IKZF2: variants seen among roughly 807,000 people sequenced by gnomAD.
IKZF2 encodes the protein zinc finger protein Helios.
A neutral mutation model predicts 49.2 loss-of-function variants in IKZF2; 15 were observed. The ratio of observed to expected loss-of-function variants is 0.30; its 90% CI spans 0.20 to 0.47. The LOEUF is 0.47. Among genes scored for constraint, IKZF2 ranks in the 20% least tolerant of loss-of-function variants. The pLI is 1.00. For synonymous variants in IKZF2, 227 were observed against 221.4 expected, an observed-to-expected ratio of 1.03 and a Z score of -0.23; for missense variants, 567 against 664.6, an observed-to-expected ratio of 0.85 and a Z score of 1.61.
intron 4 of IKZF2, among the ~76,000 whole-genome samples, chr2:213,135,450 G>A (rs893541241): frequency 3.3e-5 from 5 of 152,118 alleles, no homozygotes; most frequent in Non-Finnish European, 5.9e-5. Flanking sequence ...TACTCAGGAG[G>A]CTGAGGCGGG....
chr2:213,110,744 T>C (rs1458588182), intron 4 of IKZF2, among the ~76,000 whole-genome samples: 1 of 152,004 alleles, frequency 6.6e-6, no homozygotes, highest in Admixed American at 6.6e-5. Flanking sequence ...AAATTTATAC[T>C]CCCATCAACA....
chr2:213,093,464 T>C (rs1705588834), intron 4 of IKZF2, among the ~76,000 whole-genome samples: 1 of 152,196 alleles, frequency 6.6e-6, no homozygotes, highest in Non-Finnish European at 1.5e-5. Context: ...ACCTCCTCTA[T>C]AGTTTAAATT....
intron 4 of IKZF2, among the ~76,000 whole-genome samples, chr2:213,112,410 TTTATGAAAATGGC>T (rs2059738569): frequency 6.7e-6 from 1 of 148,502 alleles, no homozygotes; most frequent in Admixed American, 6.7e-5. Context: ...CATATTAATG[TTTATGAAAATGGC>T]TTAATGAAAC....
rs188347650 is a variant in IKZF2, at chr2:213,033,934, C to T, written c.575-11804G>A. 1.2e-3 allele frequency among the ~76,000 whole-genome samples: 182 copies of T among 152,322 alleles called. 2 individuals carry two copies. Among genetic ancestry groups the T allele is most frequent in the African/African-American group, 4.0e-3 (167 of 41,586 alleles). On this transcript the variant is annotated intron_variant, in intron 6 of 8. Coordinates refer to ENST00000434687, the MANE Select transcript of IKZF2 (RefSeq NM_001387220.1). ...CTAATAGAAGGCTGTTTTGTCTACA[C>T]TGAAACTCTGCCATTTATCACAACC...
At position 213,001,543 on chromosome 2, in the gene IKZF2, C is replaced by A. The variant is rs1377213461; in HGVS notation, c.*5817G>T. On this transcript the variant is annotated 3_prime_UTR_variant, in exon 9 of 9. Coordinates refer to ENST00000434687, the MANE Select transcript of IKZF2 (RefSeq NM_001387220.1). ...TAGCTTACTATTTTTAATCCAACCACTTTTCTTTTTAATAGAAAACTACAC... is the reference window on the plus strand; with the variant it reads ...TAGCTTACTATTTTTAATCCAACCAATTTTCTTTTTAATAGAAAACTACAC... 1.3e-5 allele frequency: 2 copies of A among 151,398 alleles called. No individual in the cohort carries two copies. Among genetic ancestry groups the A allele is most frequent in the East Asian group, 3.9e-4 (2 of 5,182 alleles). The allele number at this position is 151,398 out of a possible 1,614,324, so 9.4% of individuals were successfully genotyped here.
intron 4 of IKZF2, among the ~76,000 whole-genome samples, chr2:213,120,172 T>G (rs779232722): frequency 1.3e-5 from 2 of 152,142 alleles, no homozygotes; most frequent in Non-Finnish European, 2.9e-5. Context: ...AGTACACAGA[T>G]GAACAAGACA....
At chr2:213,102,064 T>C (rs1453884327) in intron 4 of IKZF2, among the ~76,000 whole-genome samples, 1 of 152,210 alleles carries the variant, frequency 6.6e-6, no homozygotes, top group Non-Finnish European at 1.5e-5. Flanking sequence ...ATCTGCTACA[T>C]GGATCTTTTT....
intron 4 of IKZF2, among the ~76,000 whole-genome samples, chr2:213,131,557 C>T (rs146951178): frequency 2.3e-3 from 344 of 152,162 alleles, no homozygotes; most frequent in Non-Finnish European, 3.8e-3. Flanking sequence ...TTATAAAATC[C>T]ATCTCTAAAT....
chr2:213,031,671 A>AT (rs1389442161), intron 6 of IKZF2, among the ~76,000 whole-genome samples: 3 of 152,204 alleles, frequency 2.0e-5, no homozygotes, highest in Non-Finnish European at 4.4e-5. Flanking sequence ...ACATTGTAAC[A>AT]TATTTTGGCA....
intron 6 of IKZF2, among the ~76,000 whole-genome samples, chr2:213,037,144 G>T (rs1272539781): frequency 6.6e-6 from 1 of 152,168 alleles, no homozygotes; most frequent in Non-Finnish European, 1.5e-5. Context: ...ACAAAACTGT[G>T]GTAGCAAGCT....
intron 4 of IKZF2, among the ~76,000 whole-genome samples, chr2:213,082,065 C>T (rs932402329): frequency 2.0e-5 from 3 of 152,140 alleles, no homozygotes; most frequent in African/African-American, 7.2e-5. Flanking sequence ...AAGTTAAAGG[C>T]AAGTGAGGCT....
intron 8 of IKZF2, among the ~76,000 whole-genome samples, chr2:213,009,890 G>A (rs1695762583): frequency 3.9e-5 from 6 of 152,022 alleles, no homozygotes; most frequent in Admixed American, 3.9e-4. Context: ...AGAGGCAAGA[G>A]GGCATCACTT....
chr2:213,035,885 AG>A (rs910476980), intron 6 of IKZF2, among the ~76,000 whole-genome samples: 74 of 152,296 alleles, frequency 4.9e-4, no homozygotes, highest in African/African-American at 1.8e-3. Context: ...ATTGGGAAGC[AG>A]GAGTATAGTG....
intron 4 of IKZF2, among the ~76,000 whole-genome samples, chr2:213,078,312 A>G (rs1703509997): frequency 6.6e-6 from 1 of 152,218 alleles, no homozygotes. Flanking sequence ...TTAACATTAA[A>G]TTAGTTCTCA....
chr2:213,043,108 G>A (rs2125282558), intron 6 of IKZF2, among the ~76,000 whole-genome samples: 1 of 152,016 alleles, frequency 6.6e-6, no homozygotes, highest in South Asian at 2.1e-4. Flanking sequence ...ACTACTTGGT[G>A]TCCTCTAGAG....
intron 4 of IKZF2, among the ~76,000 whole-genome samples, chr2:213,095,257 C>T (rs1231840652): frequency 2.0e-5 from 3 of 152,014 alleles, no homozygotes; most frequent in Non-Finnish European, 1.5e-5. Context: ...TTGGCCAAAA[C>T]ATATCATTAA....
At chr2:213,056,743 C>T in intron 5 of IKZF2, 90 bp downstream of exon 5, 1 of 1,497,886 alleles carries the variant, frequency 6.7e-7, no homozygotes, top group Non-Finnish European at 9.2e-7. Flanking sequence ...CCACTGCCAC[C>T]CCTGAATAAA....
At chr2:213,071,556 A>G (rs1574720877) in intron 4 of IKZF2, among the ~76,000 whole-genome samples, 1 of 152,134 alleles carries the variant, frequency 6.6e-6, no homozygotes, top group East Asian at 1.9e-4. Flanking sequence ...CAATCAAGCC[A>G]TAGTCCTAAC....
intron 5 of IKZF2, among the ~76,000 whole-genome samples, chr2:213,052,404 A>G (rs1282974162): frequency 6.6e-6 from 1 of 152,086 alleles, no homozygotes; most frequent in Non-Finnish European, 1.5e-5. Context: ...TTTAATTTCA[A>G]TAAGATAAGG....
Sources: gnomAD v4.1 joint callset for allele counts (sites outside exome capture counted in the v4.1 genomes callset) on GRCh38, gnomAD v4.1.1 for gene constraint, MANE v1.5 for transcripts, NCBI Gene and HGNC (gene_info 2026-07-23, HGNC 2026-07-21) for gene names.